Variants in MAGED1 observed in about 807,000 individuals in gnomAD.
MAGED1 encodes the protein melanoma-associated antigen D1.
Under a neutral mutation model 54.1 loss-of-function variants are expected in MAGED1, and 3 were observed. The ratio of observed to expected loss-of-function variants is 0.06; its 90% confidence interval spans 0.03 to 0.14. The LOEUF is 0.14. Among genes scored for constraint, MAGED1 ranks in the 10% least tolerant of loss-of-function variants. The pLI is 1.00. For synonymous variants in MAGED1, 217 were observed against 227.3 expected, an observed-to-expected ratio of 0.95 and a Z score of 0.41; for missense variants, 485 against 623.4, an observed-to-expected ratio of 0.78 and a Z score of 2.36.
chrX:51,877,893 C>T lies in MAGED1; in HGVS notation c.-36-16376C>T, dbSNP rs187376019. On this transcript the variant is annotated intron_variant, in intron 1 of 12. Transcript: ENST00000375772. ...AATCAGGAAATGTCATACTATGTAG[C>T]TGAACTCATATGACTTTTCTGAGTC... Among the ~76,000 whole-genome samples the T allele has an allele frequency of 1.0e-3, 115 of 111,607 alleles. 1 individual carries two copies. The Admixed American group carries it at 0.011, about 10-fold the overall frequency.
chrX:51,847,585 G>T (rs963257056), intron 1 of MAGED1, among the ~76,000 whole-genome samples: 3 of 109,731 alleles, frequency 2.7e-5, no homozygotes, highest in Admixed American at 9.8e-5. Flanking sequence ...AGGGGATCCT[G>T]CCAGCAGCAG....
At position 51,812,911 on chromosome X, in the gene MAGED1, A is replaced by G. The variant is rs782114053; in HGVS notation, c.-37+9794A>G. The stretch of plus-strand genomic sequence containing the variant: ...TTCCAATTTCTCCACATCCTTGCTA[A>G]CACTTGTTGTTTTCCTTTTTTTTTT... On this transcript the variant is annotated intron_variant, in intron 1 of 12. Coordinates refer to the MAGED1 transcript ENST00000375772. Among the ~76,000 whole-genome samples, 6 of 108,616 alleles carry G rather than the reference A, an allele frequency of 5.5e-5. No homozygotes were observed. In the South Asian group the frequency reaches 2.4e-3, roughly 44 times the overall value. The allele number at this position is 108,616 out of a possible 115,157, so 94.3% of individuals were successfully genotyped here. A position where few individuals can be genotyped will look rare whatever the true frequency, so the allele number is the denominator to read the frequency against.
At chrX:51,878,244 T>C (rs1927944026) in intron 1 of MAGED1, among the ~76,000 whole-genome samples, 1 of 111,355 alleles carries the variant, frequency 9.0e-6, no homozygotes, top group Non-Finnish European at 1.9e-5. Context: ...GAATGTGAGT[T>C]GCTGTGGTGA....
chrX:51,817,312 C>A (rs1925470874), intron 1 of MAGED1, among the ~76,000 whole-genome samples: 1 of 111,730 alleles, frequency 9.0e-6, no homozygotes, highest in Admixed American at 9.4e-5. Context: ...CCATTAACAA[C>A]CCAATTTGGC....
intron 2 of MAGED1, 152 bp downstream of exon 2, chrX:51,894,501 G>T (rs782464633): frequency 1.3e-5 from 10 of 799,732 alleles, no homozygotes; most frequent in Non-Finnish European, 1.8e-5. Flanking sequence ...TTTATCGAAG[G>T]GGGGGAGGGG....
intron 1 of MAGED1, among the ~76,000 whole-genome samples, chrX:51,844,558 A>G (rs1452682067): frequency 2.7e-5 from 3 of 111,937 alleles, no homozygotes; most frequent in African/African-American, 9.7e-5. Flanking sequence ...GAGAAAGCCA[A>G]AGCAGGCAGT....
At chrX:51,854,256 C>T (rs1275280512) in intron 1 of MAGED1, among the ~76,000 whole-genome samples, 3 of 112,016 alleles carry the variant, frequency 2.7e-5, no homozygotes, top group African/African-American at 9.7e-5. Context: ...CAGGGACATT[C>T]AGTATCCAAC....
chrX:51,865,242 G>T, intron 1 of MAGED1, among the ~76,000 whole-genome samples: 1 of 111,745 alleles, frequency 8.9e-6, no homozygotes, highest in Middle Eastern at 4.6e-3. Flanking sequence ...TTTAATCAGG[G>T]TATCCTGAGT....
rs1169909741 is a variant in MAGED1, at chrX:51,897,119, T to C, written c.1422+42T>C. On this transcript the variant is annotated intron_variant, in intron 4 of 12. Coordinates refer to ENST00000326587, the MANE Select transcript of MAGED1 (RefSeq NM_006986.4). ...CCCAGTCACTTTTCCCCTCTCTTGC[T>C]CTTTTCTTTGTCATCCTCTCATCTG... 3.3e-6 allele frequency: 4 copies of C among 1,200,583 alleles called. No individual in the cohort carries two copies. The African/African-American group carries it at 6.9e-5, about 21-fold the overall frequency.
At chrX:51,851,862 A>G (rs1433978271) in intron 1 of MAGED1, among the ~76,000 whole-genome samples, 1 of 111,812 alleles carries the variant, frequency 8.9e-6, no homozygotes, top group Non-Finnish European at 1.9e-5. Context: ...ACTGCAGGTA[A>G]CTGAAACTGC....
chrX:51,803,377 C>G (rs1424655359), intron 1 of MAGED1, among the ~76,000 whole-genome samples: 1 of 109,964 alleles, frequency 9.1e-6, no homozygotes, highest in Non-Finnish European at 1.9e-5. Context: ...CATGCTTCAC[C>G]TCTCCTCTTT....
At chrX:51,854,721 C>A (rs1354788655) in intron 1 of MAGED1, among the ~76,000 whole-genome samples, 1 of 111,599 alleles carries the variant, frequency 9.0e-6, no homozygotes, top group Non-Finnish European at 1.9e-5. Context: ...TGCATGCTTA[C>A]TAAATGGTTG....
intron 1 of MAGED1, among the ~76,000 whole-genome samples, chrX:51,850,792 C>T (rs1230727405): frequency 4.5e-5 from 5 of 110,357 alleles, no homozygotes; most frequent in African/African-American, 9.9e-5. Context: ...CCCAGCTACT[C>T]GGGAGGCTGA....
Position 51,897,480 on chromosome X carries a change from G to T in MAGED1, c.1487-67G>T, listed in dbSNP as rs146321617. 319 of 934,159 alleles carry T rather than the reference G, an allele frequency of 3.4e-4. 1 individual carries two copies. The East Asian group carries it at 8.8e-3, about 26-fold the overall frequency. The allele number at this position is 934,159 out of a possible 1,213,427, so 77.0% of individuals were successfully genotyped here. A position where few individuals can be genotyped will look rare whatever the true frequency, so the allele number is the denominator to read the frequency against. On this transcript the variant is annotated intron_variant, in intron 5 of 12. Transcript: ENST00000326587. ...CCTTGACTGTGCTACCCCCAGCAGGGCTGGCAAAGGGACTGCTGCTCTGTG... is the reference window on the plus strand; with the variant it reads ...CCTTGACTGTGCTACCCCCAGCAGGTCTGGCAAAGGGACTGCTGCTCTGTG...
At chrX:51,809,780 C>T (rs1925154875) in intron 1 of MAGED1, among the ~76,000 whole-genome samples, 1 of 110,944 alleles carries the variant, frequency 9.0e-6, no homozygotes, top group Non-Finnish European at 1.9e-5. Flanking sequence ...TTGGTTTTAG[C>T]AGCCATTGAT....
intron 1 of MAGED1, among the ~76,000 whole-genome samples, chrX:51,851,766 C>G (rs782728465): frequency 2.3e-3 from 250 of 109,503 alleles, no homozygotes; most frequent in African/African-American, 7.9e-3. Context: ...GAGATTTCAT[C>G]ATGCTATTCA....
chrX:51,862,218 T>C (rs1454506999), intron 1 of MAGED1, among the ~76,000 whole-genome samples: 1 of 111,533 alleles, frequency 9.0e-6, no homozygotes, highest in Non-Finnish European at 1.9e-5. Context: ...TTTTTGTACT[T>C]GGACTCTGGA....
chrX:51,895,018 C>A (rs1557364007), intron 2 of MAGED1, 35 bp from the exon 3 acceptor site: 1 of 1,123,124 alleles, frequency 8.9e-7, no homozygotes, highest in African/African-American at 1.8e-5. Flanking sequence ...CCTCAGAGGC[C>A]CAGAGATTTA....
intron 1 of MAGED1, among the ~76,000 whole-genome samples, chrX:51,856,590 T>A (rs1430339073): frequency 1.8e-5 from 2 of 112,066 alleles, no homozygotes; most frequent in Non-Finnish European, 3.8e-5. Flanking sequence ...TCATTTTAGG[T>A]GATAAGATTA....
Sources: gnomAD v4.1 joint callset for allele counts (sites outside exome capture counted in the v4.1 genomes callset) on GRCh38, gnomAD v4.1.1 for gene constraint, MANE v1.5 for transcripts, NCBI Gene and HGNC (gene_info 2026-07-23, HGNC 2026-07-21) for gene names.